Variants in KCNIP4 observed in about 807,000 individuals in gnomAD.
KCNIP4 encodes the protein potassium voltage-gated channel interacting protein 4.
KCNIP4 carries 12 observed loss-of-function variants against 34.0 expected under a neutral mutation model. The observed-to-expected ratio is 0.35, with a 90% CI of 0.23 to 0.57. The LOEUF (loss-of-function observed/expected upper bound fraction) is 0.57. Ranked by LOEUF, KCNIP4 falls within the 20% of genes least tolerant of loss-of-function variation. KCNIP4 has a pLI of 0.83. For synonymous variants in KCNIP4, 124 were observed against 102.2 expected (o/e 1.21, Z -1.29); for missense variants, 238 against 311.7 (o/e 0.76, Z 1.78).
chr4:21,363,879 A>T (rs932086434), intron 1 of KCNIP4, among the ~76,000 whole-genome samples: 1 of 152,168 alleles, frequency 6.6e-6, no homozygotes, highest in Non-Finnish European at 1.5e-5. Context: ...AATGCTAATA[A>T]CATGAATTTT....
chr4:20,824,791 G>T (rs566267253), intron 3 of KCNIP4, among the ~76,000 whole-genome samples: 1 of 150,734 alleles, frequency 6.6e-6, no homozygotes, highest in Non-Finnish European at 1.5e-5. Flanking sequence ...AACATTAAAG[G>T]ATTGTCCCAT....
chr4:21,712,850 A>C (rs1713849523), intron 1 of KCNIP4, among the ~76,000 whole-genome samples: 2 of 152,182 alleles, frequency 1.3e-5, no homozygotes, highest in Admixed American at 6.5e-5. Context: ...TTTATTTCTA[A>C]GCATGATTCA....
chr4:20,893,302 G>A (rs1726137102), intron 1 of KCNIP4, among the ~76,000 whole-genome samples: 2 of 152,158 alleles, frequency 1.3e-5, no homozygotes, highest in Non-Finnish European at 2.9e-5. Flanking sequence ...GCACATTAAA[G>A]CTAACATTTA....
rs528878016 is a variant in KCNIP4 at position 21,171,165 on chromosome 4, G to A, written c.62-288456C>T. Among the ~76,000 whole-genome samples, 21 of 152,222 alleles carry A rather than the reference G, an allele frequency of 1.4e-4. No homozygotes were observed. The South Asian group carries it at 3.1e-3, about 23-fold the overall frequency. ...AAAACTTCTAATTATGCTTTCAGGT[G>A]GTTAAATGGCAAAATCTAACTGCAT... On this transcript the variant is annotated intron_variant, in intron 1 of 8. Coordinates refer to ENST00000382152, the MANE Select transcript of KCNIP4 (RefSeq NM_025221.6).
At chr4:21,872,653 G>A (rs997510737) in intron 1 of KCNIP4, among the ~76,000 whole-genome samples, 2 of 152,140 alleles carry the variant, frequency 1.3e-5, no homozygotes, top group African/African-American at 2.4e-5. Context: ...AATAGATTCA[G>A]TTACCATGAA....
At chr4:21,715,370 T>C (rs1477639661) in intron 1 of KCNIP4, among the ~76,000 whole-genome samples, 2 of 152,080 alleles carry the variant, frequency 1.3e-5, no homozygotes, top group Non-Finnish European at 2.9e-5. Flanking sequence ...GACCTTGTGA[T>C]CCGCCCACCT....
intron 1 of KCNIP4, among the ~76,000 whole-genome samples, chr4:21,241,575 A>G (rs1759814580): frequency 6.6e-6 from 1 of 152,198 alleles, no homozygotes; most frequent in Non-Finnish European, 1.5e-5. Flanking sequence ...GACGTGAGGA[A>G]CTGCTGACAA....
In KCNIP4 at chr4:21,016,876, T is replaced by G. The variant is rs369450767; in HGVS notation, c.62-134167A>C. Among the ~76,000 whole-genome samples, 289 of 152,314 alleles carry G rather than the reference T, an allele frequency of 1.9e-3. 6 individuals are homozygous for G. In the South Asian group the frequency reaches 0.053, roughly 28 times the overall value. ...TTAAAATTGGAAGGAATCTTAAAGT[T>G]TAGTCTAAATTCTTAAGAAAAGTGC... On this transcript the variant is annotated intron_variant, in intron 1 of 8. Coordinates refer to ENST00000382152, the MANE Select transcript of KCNIP4 (RefSeq NM_025221.6).
intron 1 of KCNIP4, among the ~76,000 whole-genome samples, chr4:21,209,400 C>G (rs140550451): frequency 1.3e-5 from 2 of 152,218 alleles, no homozygotes; most frequent in Non-Finnish European, 2.9e-5. Context: ...CCCCCTACCC[C>G]TCTTTCCCCA....
At chr4:21,279,717 A>G (rs1762662446) in intron 1 of KCNIP4, among the ~76,000 whole-genome samples, 1 of 152,086 alleles carries the variant, frequency 6.6e-6, no homozygotes, top group African/African-American at 2.4e-5. Flanking sequence ...TAACAAGTGT[A>G]TATTTTGGGT....
At chr4:21,817,643 T>C (rs945984691) in intron 1 of KCNIP4, among the ~76,000 whole-genome samples, 1 of 152,094 alleles carries the variant, frequency 6.6e-6, no homozygotes, top group African/African-American at 2.4e-5. Flanking sequence ...AATGCATTCC[T>C]TGCGGGAGGT....
intron 1 of KCNIP4, among the ~76,000 whole-genome samples, chr4:21,198,128 T>A (rs1216910514): frequency 2.6e-5 from 4 of 152,356 alleles, no homozygotes; most frequent in African/African-American, 9.6e-5. Context: ...TCCAAATTAC[T>A]GCATGTTGCA....
intron 1 of KCNIP4, among the ~76,000 whole-genome samples, chr4:20,900,482 T>C (rs924462350): frequency 2.6e-5 from 4 of 152,210 alleles, no homozygotes; most frequent in Non-Finnish European, 4.4e-5. Flanking sequence ...GAATGCATCA[T>C]TGTTGGTTGA....
intron 3 of KCNIP4, chr4:20,767,212 G>A (rs1560449884): frequency 6.6e-6 from 1 of 152,122 alleles, no homozygotes; most frequent in African/African-American, 2.4e-5. Flanking sequence ...ATCAGCTTAT[G>A]AAGTATATAT....
At chr4:21,189,438 T>C (rs1755474094) in intron 1 of KCNIP4, among the ~76,000 whole-genome samples, 2 of 152,242 alleles carry the variant, frequency 1.3e-5, no homozygotes, top group South Asian at 4.1e-4. Flanking sequence ...ATCCCACATC[T>C]GTTATCAGTT....
intron 3 of KCNIP4, among the ~76,000 whole-genome samples, chr4:20,831,438 G>T (rs991396089): frequency 6.6e-6 from 1 of 152,004 alleles, no homozygotes; most frequent in Non-Finnish European, 1.5e-5. Flanking sequence ...GGCAATGTAG[G>T]GGCTCTTCAG....
At chr4:21,014,067 C>T (rs541597028) in intron 1 of KCNIP4, among the ~76,000 whole-genome samples, 1 of 152,306 alleles carries the variant, frequency 6.6e-6, no homozygotes, top group East Asian at 1.9e-4. Context: ...GCTGCTTCCT[C>T]CAATCATCAA....
chr4:21,332,245 T>C (rs1715716986), intron 1 of KCNIP4, among the ~76,000 whole-genome samples: 2 of 152,036 alleles, frequency 1.3e-5, no homozygotes, highest in South Asian at 2.1e-4. Context: ...ATAGATACTA[T>C]AAGCTAATTA....
chr4:21,434,266 C>A (rs1227598279), intron 1 of KCNIP4, among the ~76,000 whole-genome samples: 1 of 152,100 alleles, frequency 6.6e-6, no homozygotes, highest in African/African-American at 2.4e-5. Context: ...TGATAAAATT[C>A]CTTTTCTCAC....
Sources: allele counts gnomAD v4.1 joint callset (sites outside exome capture counted in the v4.1 genomes callset), GRCh38; gene constraint gnomAD v4.1.1; transcripts MANE v1.5; gene names NCBI Gene and HGNC (gene_info 2026-07-23, HGNC 2026-07-21).